Variants in PDE4D observed in about 807,000 individuals in gnomAD.
The protein encoded by PDE4D is 3',5'-cyclic-AMP phosphodiesterase 4D.
PDE4D carries 24 observed loss-of-function variants against 87.4 expected under a neutral mutation model. The observed-to-expected ratio is 0.27, with a 90% CI of 0.20 to 0.39. The LOEUF is 0.39. PDE4D is among the 10% of genes least tolerant of loss of function. PDE4D has a pLI of 1.00. For synonymous variants in PDE4D, 384 were observed against 383.2 expected, an observed-to-expected ratio of 1.00 and a Z score of -0.02; for missense variants, 714 against 1,041.0, an observed-to-expected ratio of 0.69 and a Z score of 4.32.
At position 58,991,872 on chromosome 5, in the gene PDE4D, C is replaced by T. The variant is rs1231636922; in HGVS notation, c.1148G>A (p.Arg383Lys). Residue 383 changes from arginine to lysine, a missense_variant, in exon 8 of 15, where the codon AGG becomes AAG. By Grantham distance (26) the Arg-to-Lys change is conservative. Around this residue, in one of 7 missense-constraint regions of PDE4D, gnomAD observed 141 missense variants for 204.3 expected, o/e 0.69. Transcript: ENST00000340635. ...SSSLTNSSIPRFGVKTEQEDV... is the reference protein window; with the variant it reads ...SSSLTNSSIPKFGVKTEQEDV... ...TTCTTGTTCAGTTTTAACTCCAAAC[C>T]TTGGGATACTTGAATTAGTCAGACT... The T allele has an allele frequency of 3.2e-6, 5 of 1,567,256 alleles. No individual in the cohort carries two copies. The African/African-American group carries it at 5.5e-5, about 17-fold the overall frequency.
intron 1 of PDE4D, among the ~76,000 whole-genome samples, chr5:60,271,862 C>A (rs1240243892): frequency 6.6e-6 from 1 of 152,112 alleles, no homozygotes; most frequent in African/African-American, 2.4e-5. Flanking sequence ...TTGAGAATGA[C>A]AAAGCACCTA....
chr5:60,305,248 G>T (rs1482885663), intron 1 of PDE4D, among the ~76,000 whole-genome samples: 1 of 152,024 alleles, frequency 6.6e-6, no homozygotes, highest in Non-Finnish European at 1.5e-5. Context: ...TTCCAGGTAG[G>T]TTAAACAAGG....
chr5:59,899,910 T>C (rs1752055408), intron 3 of PDE4D, among the ~76,000 whole-genome samples: 2 of 152,162 alleles, frequency 1.3e-5, no homozygotes, highest in African/African-American at 4.8e-5. Context: ...CTTGCATTCA[T>C]ATAGCTACAG....
chr5:59,399,201 T>A (rs1422568552), intron 1 of PDE4D, among the ~76,000 whole-genome samples: 12 of 135,362 alleles, frequency 8.9e-5, no homozygotes, highest in Admixed American at 7.3e-5. Flanking sequence ...AAGCTACCCA[T>A]GACTTTCTTC....
intron 1 of PDE4D, among the ~76,000 whole-genome samples, chr5:60,272,075 G>C (rs1243705290): frequency 2.6e-5 from 4 of 152,220 alleles, no homozygotes; most frequent in Non-Finnish European, 5.9e-5. Context: ...CTGGTATTCA[G>C]TGTGCCAGGC....
At chr5:59,091,436 T>C (rs1301276918) in intron 5 of PDE4D, among the ~76,000 whole-genome samples, 1 of 152,128 alleles carries the variant, frequency 6.6e-6, no homozygotes, top group African/African-American at 2.4e-5. Context: ...TACAACAGAA[T>C]GCTATATATC....
At chr5:59,503,915 A>G (rs906572857) in intron 1 of PDE4D, among the ~76,000 whole-genome samples, 2 of 152,156 alleles carry the variant, frequency 1.3e-5, no homozygotes, top group African/African-American at 4.8e-5. Flanking sequence ...AATATTTCTT[A>G]TCTGTTATTC....
At chr5:59,848,197 C>G (rs993926055) in intron 1 of PDE4D, among the ~76,000 whole-genome samples, 6 of 151,986 alleles carry the variant, frequency 3.9e-5, no homozygotes, top group Admixed American at 6.6e-5. Flanking sequence ...AAAAGACCCT[C>G]TAGTGATAGT....
chr5:59,329,479 C>A (rs1013234024), intron 1 of PDE4D, among the ~76,000 whole-genome samples: 1 of 152,126 alleles, frequency 6.6e-6, no homozygotes, highest in Non-Finnish European at 1.5e-5. Flanking sequence ...AAGTTTACTT[C>A]TTTTGTCTAC....
chr5:60,210,990 C>T (rs1478239898), intron 1 of PDE4D, among the ~76,000 whole-genome samples: 1 of 152,192 alleles, frequency 6.6e-6, no homozygotes, highest in Admixed American at 6.5e-5. Context: ...GGCGGAGAGC[C>T]TGGCGCTGAG....
rs911967207 is a variant in PDE4D at position 59,736,141 on chromosome 5, TA to T, written c.455+157026del. Among the ~76,000 whole-genome samples the T allele has an allele frequency of 9.6e-4, 143 of 149,730 alleles. 1 individual carries two copies. The highest frequency in any genetic ancestry group is 1.6e-3 in the Non-Finnish European group (106 of 67,334). ...GTATAATAATAATAAATTAATTAAT[TA>T]AAAAAAAAGAAAACAAACCAACAGA... On this transcript the variant is annotated intron_variant, in intron 1 of 14. Transcript: ENST00000340635.
intron 1 of PDE4D, among the ~76,000 whole-genome samples, chr5:59,535,060 G>GGT (rs199972488): frequency 2.1e-4 from 20 of 93,578 alleles, no homozygotes; most frequent in Non-Finnish European, 3.2e-4. Flanking sequence ...TGCTTAGATT[G>GGT]GTGTGTGTGT....
chr5:59,237,784 T>G (rs466978), intron 1 of PDE4D, among the ~76,000 whole-genome samples: 58 of 5,388 alleles, frequency 0.011, no homozygotes, highest in African/African-American at 0.078. Flanking sequence ...CTCATATAGG[T>G]GTGTGTGTGT....
chr5:59,292,238 C>A (rs1022604712), intron 1 of PDE4D, among the ~76,000 whole-genome samples: 2 of 152,068 alleles, frequency 1.3e-5, no homozygotes, highest in African/African-American at 4.8e-5. Context: ...GGCATCTCTG[C>A]AGATAGTTAA....
intron 1 of PDE4D, among the ~76,000 whole-genome samples, chr5:59,280,836 A>T (rs551243376): frequency 6.6e-5 from 10 of 151,990 alleles, no homozygotes; most frequent in African/African-American, 2.4e-4. Flanking sequence ...CCTCTTCCAA[A>T]TGTTACTATT....
chr5:60,336,601 T>C (rs1028734086), intron 1 of PDE4D, among the ~76,000 whole-genome samples: 1 of 152,226 alleles, frequency 6.6e-6, no homozygotes, highest in Non-Finnish European at 1.5e-5. Context: ...CAGGCTAGCA[T>C]ATGCTGTTCA....
intron 4 of PDE4D, among the ~76,000 whole-genome samples, chr5:59,184,930 G>T (rs988861060): frequency 6.6e-6 from 1 of 152,130 alleles, no homozygotes. Flanking sequence ...GTAAATAACT[G>T]GGCGGAGGAC....
Position 60,520,271 on chromosome 5 carries a change from C to A in PDE4D, n.70+1780G>T, listed in dbSNP as rs181447932. 7.9e-5 allele frequency among the ~76,000 whole-genome samples: 12 copies of A among 152,282 alleles called. No individual in the cohort carries two copies. The East Asian group carries it at 2.3e-3, about 29-fold the overall frequency. ...TACCTCTATGGTTCCTCCTGTACCC[C>A]AACCCACCCCATTTCCATCACAGTG... On this transcript the variant is annotated intron_variant and non_coding_transcript_variant, in intron 1 of 2. Coordinates refer to the PDE4D transcript ENST00000506510.
At chr5:60,143,195 C>A (rs1780689379) in intron 2 of PDE4D, among the ~76,000 whole-genome samples, 1 of 152,164 alleles carries the variant, frequency 6.6e-6, no homozygotes, top group African/African-American at 2.4e-5. Flanking sequence ...AATAATGAAG[C>A]ATATTGTTTT....
Sources: allele counts gnomAD v4.1 joint callset (sites outside exome capture counted in the v4.1 genomes callset), GRCh38; gene constraint gnomAD v4.1.1; regional missense constraint gnomAD v4.1.1; transcripts MANE v1.5; gene names NCBI Gene and HGNC (gene_info 2026-07-23, HGNC 2026-07-21).